GPHN: variants seen among roughly 807,000 people sequenced by gnomAD.
GPHN encodes gephyrin.
Under a neutral mutation model 95.5 loss-of-function variants are expected in GPHN, and 17 were observed. That is an observed-to-expected ratio of 0.18 (90% CI 0.12 to 0.27). GPHN has a LOEUF of 0.27. Ranked by LOEUF, GPHN falls within the 10% of genes least tolerant of loss-of-function variation. GPHN has a pLI of 1.00. For synonymous variants in GPHN, 320 were observed against 322.5 expected (o/e 0.99, Z 0.08); for missense variants, 660 against 978.1 (o/e 0.67, Z 4.34).
At chr14:67,606,997 C>A in the GPHN span, among the ~76,000 whole-genome samples, 2 of 152,310 alleles carry the variant, frequency 1.3e-5, no homozygotes, top group South Asian at 2.1e-4. Flanking sequence ...GAGAGGTAAA[C>A]CAGCAGCAGT....
intron 1 of GPHN, among the ~76,000 whole-genome samples, chr14:66,616,636 A>G (rs1271235505): frequency 6.6e-6 from 1 of 152,128 alleles, no homozygotes; most frequent in Admixed American, 6.5e-5. Context: ...CTATGCCAGT[A>G]GGATTGCTCC....
At chr14:67,213,795 T>A in the GPHN span, among the ~76,000 whole-genome samples, 1 of 152,194 alleles carries the variant, frequency 6.6e-6, no homozygotes, top group African/African-American at 2.4e-5. Context: ...TGTAAAAGTG[T>A]TCCTATTTCT....
In GPHN at chr14:66,932,444, G is replaced by GTTTTTTTTTTTTTTTTTTTT. The variant is rs35159325; in HGVS notation, c.828+8169_828+8188dup. ...AGGTGGGGAATCCTGCCAAGACCAG[G>GTTTTTTTTTTTTTTTTTTTT]TTTTTTTTTTTTTTTTTTTTTTTTT... On this transcript the variant is annotated intron_variant, in intron 8 of 22. Coordinates refer to ENST00000478722, the MANE Select transcript of GPHN (RefSeq NM_020806.5). Among the ~76,000 whole-genome samples the GTTTTTTTTTTTTTTTTTTTT allele has an allele frequency of 1.2e-4, 3 of 24,380 alleles. 1 individual carries two copies. The highest frequency in any genetic ancestry group is 1.5e-4 in the Non-Finnish European group (2 of 13,732). The allele number at this position is 24,380 out of a possible 152,430, so 16.0% of individuals were successfully genotyped here.
the GPHN span, among the ~76,000 whole-genome samples, chr14:67,655,075 C>G: frequency 2.7e-5 from 4 of 146,616 alleles, no homozygotes; most frequent in Admixed American, 1.4e-4. Flanking sequence ...CACAGTGGCT[C>G]ATGCCTGTAA....
At chr14:66,897,876 T>C (rs989996918) in intron 5 of GPHN, among the ~76,000 whole-genome samples, 1 of 152,160 alleles carries the variant, frequency 6.6e-6, no homozygotes, top group South Asian at 2.1e-4. Flanking sequence ...TGTATCATTT[T>C]ACAATCACAC....
chr14:67,112,069 T>C lies in GPHN; in HGVS notation c.1472+150T>C, dbSNP rs796461883. On this transcript the variant is annotated intron_variant, in intron 15 of 22. Coordinates refer to ENST00000478722, the MANE Select transcript of GPHN (RefSeq NM_020806.5). ...AAAAAGCAAAATGAATGTTATGAAT[T>C]CTGTATCACATATCTGCCCTGCCTA... 1.3e-5 allele frequency: 9 copies of C among 706,550 alleles called. 1 individual carries two copies. In the African/African-American group the frequency reaches 1.6e-4, roughly 12 times the overall value. The allele number at this position is 706,550 out of a possible 1,614,324, so 43.8% of individuals were successfully genotyped here. A position where few individuals can be genotyped will look rare whatever the true frequency, so the allele number is the denominator to read the frequency against.
At chr14:67,130,826 T>A (rs1021042661) in intron 17 of GPHN, among the ~76,000 whole-genome samples, 1 of 152,166 alleles carries the variant, frequency 6.6e-6, no homozygotes, top group Non-Finnish European at 1.5e-5. Flanking sequence ...CATTGTGGTT[T>A]TGATTTGTAT....
the GPHN span, chr14:67,223,678 G>C: frequency 1.1e-6 from 1 of 940,154 alleles, no homozygotes; most frequent in Non-Finnish European, 1.3e-6. Flanking sequence ...TATTTTCCCT[G>C]TTTGTTTTCT....
the GPHN span, among the ~76,000 whole-genome samples, chr14:67,528,185 A>G: frequency 6.6e-6 from 1 of 152,156 alleles, no homozygotes; most frequent in Non-Finnish European, 1.5e-5. Flanking sequence ...AGATAATAAT[A>G]ACAACCAGCA....
intron 5 of GPHN, among the ~76,000 whole-genome samples, chr14:66,908,846 C>CA (rs111376119): frequency 0.023 from 2,744 of 121,078 alleles, 26 homozygotes; most frequent in Non-Finnish European, 0.025. Context: ...GGGCATTCTG[C>CA]AAAAAAAAAA....
intron 8 of GPHN, among the ~76,000 whole-genome samples, chr14:66,955,729 G>GT (rs2068455900): frequency 6.6e-6 from 1 of 151,656 alleles, no homozygotes. Context: ...GACAGGCCAT[G>GT]GTATGTGATG....
chr14:67,164,349 TGTCTTGATA>T (rs2082150446), intron 19 of GPHN, among the ~76,000 whole-genome samples: 1 of 151,278 alleles, frequency 6.6e-6, no homozygotes, highest in Non-Finnish European at 1.5e-5. Flanking sequence ...TCAAAAATAA[TGTCTTGATA>T]AGAGGGAAGT....
At chr14:67,645,032 T>C in the GPHN span, among the ~76,000 whole-genome samples, 1 of 151,704 alleles carries the variant, frequency 6.6e-6, no homozygotes, top group Non-Finnish European at 1.5e-5. Flanking sequence ...GCCATGCTAA[T>C]ATATATAAGG....
At chr14:66,573,887 G>T (rs1050412788) in intron 1 of GPHN, among the ~76,000 whole-genome samples, 3 of 151,736 alleles carry the variant, frequency 2.0e-5, no homozygotes, top group Non-Finnish European at 4.4e-5. Context: ...CAACCAATTT[G>T]TGTCCTTATA....
intron 1 of GPHN, among the ~76,000 whole-genome samples, chr14:66,672,140 T>C (rs921014372): frequency 6.6e-5 from 10 of 152,272 alleles, no homozygotes; most frequent in Non-Finnish European, 1.3e-4. Context: ...TGATAAATTA[T>C]GGTATCATTA....
chr14:67,565,880 G>A, the GPHN span, among the ~76,000 whole-genome samples: 1 of 152,160 alleles, frequency 6.6e-6, no homozygotes, highest in African/African-American at 2.4e-5. Flanking sequence ...AGCACTTTGG[G>A]AGGCTGAGGC....
At chr14:67,674,873 C>T in the GPHN span, 3 of 160,922 alleles carry the variant, frequency 1.9e-5, no homozygotes, top group African/African-American at 7.2e-5. Context: ...CCGCCTTCCT[C>T]CCGGGCCCCG....
At chr14:66,846,200 G>T (rs1024317433) in intron 4 of GPHN, among the ~76,000 whole-genome samples, 5 of 152,078 alleles carry the variant, frequency 3.3e-5, no homozygotes, top group African/African-American at 1.2e-4. Flanking sequence ...CTCAATTGAG[G>T]TTCCCCATCT....
chr14:66,692,370 A>G (rs1213876188), intron 2 of GPHN, among the ~76,000 whole-genome samples: 1 of 152,190 alleles, frequency 6.6e-6, no homozygotes. Context: ...GGAACTAAAC[A>G]GGTGCTTTAT....
Sources: allele counts gnomAD v4.1 joint callset (sites outside exome capture counted in the v4.1 genomes callset), GRCh38; gene constraint gnomAD v4.1.1; transcripts MANE v1.5; gene names NCBI Gene and HGNC (gene_info 2026-07-23, HGNC 2026-07-21).